Variants in MCF2 observed in about 807,000 individuals in gnomAD.
MCF2 encodes MCF.2 cell line derived transforming sequence.
In MCF2, 44 loss-of-function variants were observed where a neutral mutation model predicts 82.5. The observed-to-expected ratio is 0.53, with a 90% CI of 0.42 to 0.69. The LOEUF (loss-of-function observed/expected upper bound fraction) is 0.69. Ranked by LOEUF, MCF2 falls within the 30% of genes least tolerant of loss-of-function variation. MCF2 has a pLI of 0.00. For synonymous variants in MCF2, 217 were observed against 224.9 expected, an observed-to-expected ratio of 0.96 and a Z score of 0.32; for missense variants, 623 against 663.1, an observed-to-expected ratio of 0.94 and a Z score of 0.66.
intron 11 of MCF2, 33 bp downstream of exon 15, chrX:139,610,268 A>G: frequency 9.8e-7 from 1 of 1,018,600 alleles, no homozygotes; most frequent in South Asian, 2.1e-5. Context: ...CTAAAGCAAT[A>G]AAGTCAATTT....
At chrX:139,700,838 C>T (rs1249646306) in intron 1 of MCF2, among the ~76,000 whole-genome samples, 2 of 111,774 alleles carry the variant, frequency 1.8e-5, no homozygotes, top group South Asian at 7.5e-4. Context: ...TTCAGGGAAC[C>T]CCAGCTTAGG....
At chrX:139,629,052 CATGCATCACTTA>C (rs760750924) in intron 4 of MCF2, among the ~76,000 whole-genome samples, 1 of 112,112 alleles carries the variant, frequency 8.9e-6, no homozygotes, top group East Asian at 2.8e-4. Context: ...AAAATACAGC[CATGCATCACTTA>C]ATGTTGGGGA....
At chrX:139,615,938 C>A (rs906910661) in intron 9 of MCF2, among the ~76,000 whole-genome samples, 1 of 111,669 alleles carries the variant, frequency 9.0e-6, no homozygotes, top group Non-Finnish European at 1.9e-5. Context: ...GGAAAGATGT[C>A]TGGGGTAAAG....
chrX:139,689,711 C>T (rs918814261), intron 1 of MCF2, among the ~76,000 whole-genome samples: 12 of 109,386 alleles, frequency 1.1e-4, no homozygotes, highest in African/African-American at 4.0e-4. Context: ...CAATCCCCAC[C>T]CGCTGTCCAG....
At chrX:139,671,834 T>A in intron 1 of MCF2, among the ~76,000 whole-genome samples, 1 of 112,094 alleles carries the variant, frequency 8.9e-6, no homozygotes. Context: ...AAAGTAGTTT[T>A]TTCCAATTCT....
Position 139,585,066 on chromosome X carries a change from C to T in MCF2, c.2745G>A (p.Met915Ile). Reference sequence around the variant, plus strand: ...TTTAATTTACTATATTATTACTAACCATGAGGGGCCTATTTTCTTCTTCAT... The same window carrying T: ...TTTAATTTACTATATTATTACTAACTATGAGGGGCCTATTTTCTTCTTCAT... The change falls in exon 24 of 25, where the codon ATG becomes ATA. Residue 915 changes from methionine (M) to isoleucine (I), a missense_variant and splice_region_variant. Transcript: ENST00000370576. 1 of 1,158,954 alleles carries T rather than the reference C, an allele frequency of 8.6e-7. No homozygotes were observed. Among genetic ancestry groups the T allele is most frequent in the Non-Finnish European group, 1.2e-6 (1 of 853,077 alleles).
At chrX:139,679,361 TGA>T (rs1934947773) in intron 1 of MCF2, among the ~76,000 whole-genome samples, 1 of 112,268 alleles carries the variant, frequency 8.9e-6, no homozygotes, top group African/African-American at 3.2e-5. Context: ...AAGGAAGGAA[TGA>T]GAGGATGGAA....
At chrX:139,602,430 C>G in exon 16 of MCF2, 1 of 1,202,751 alleles carries the variant, frequency 8.3e-7, no homozygotes, top group East Asian at 3.0e-5. Context: ...ATTCTGAATA[C>G]TTCCTCCAAA....
chrX:139,680,664 C>A (rs781346559), intron 1 of MCF2, among the ~76,000 whole-genome samples: 1 of 111,750 alleles, frequency 8.9e-6, no homozygotes, highest in South Asian at 3.8e-4. Context: ...TGGCATCAGA[C>A]CTTTTGAGAG....
chrX:139,635,089 G>GA (rs757607749), intron 1 of MCF2, among the ~76,000 whole-genome samples: 106 of 111,302 alleles, frequency 9.5e-4, no homozygotes, highest in Non-Finnish European at 1.8e-3. Context: ...AAAAGAAAAA[G>GA]AAAAAACATA....
intron 1 of MCF2, among the ~76,000 whole-genome samples, chrX:139,697,446 G>C (rs1348160974): frequency 8.9e-6 from 1 of 112,028 alleles, no homozygotes; most frequent in Non-Finnish European, 1.9e-5. Flanking sequence ...GCTTAAACTA[G>C]CTTACAGTTG....
chrX:139,609,351 C>G lies in MCF2; in HGVS notation c.1401+950G>C, dbSNP rs183244053. Among the ~76,000 whole-genome samples, 878 of 112,045 alleles carry G rather than the reference C, an allele frequency of 7.8e-3. 8 individuals carry two copies. The highest frequency in any genetic ancestry group is 0.012 in the Non-Finnish European group (657 of 53,159). ...CCTGAGGCCAGGAGTTTAAGATCAG[C>G]CTTGGCAACATAGCAAGACCCTGTC... On this transcript the variant is annotated intron_variant, in intron 11 of 24. Coordinates refer to ENST00000370576, the Ensembl canonical transcript of MCF2.
chrX:139,635,259 T>C (rs1933135235), intron 1 of MCF2, among the ~76,000 whole-genome samples: 1 of 111,095 alleles, frequency 9.0e-6, no homozygotes, highest in African/African-American at 3.3e-5. Flanking sequence ...TTAACATGTA[T>C]ACAGAAACAG....
chrX:139,581,877 C>T (rs996520031), exon 25 of MCF2: 2 of 111,810 alleles, frequency 1.8e-5, no homozygotes, highest in East Asian at 2.8e-4. Context: ...AGCAGAAATC[C>T]AGAAAAAAAG....
intron 2 of MCF2, among the ~76,000 whole-genome samples, chrX:139,651,390 C>T (rs1934006940): frequency 9.0e-6 from 1 of 111,125 alleles, no homozygotes; most frequent in African/African-American, 3.3e-5. Context: ...TGCTCCCCTC[C>T]CACCCAGCCT....
chrX:139,671,165 T>A (rs1242923750), intron 1 of MCF2, among the ~76,000 whole-genome samples: 4 of 112,197 alleles, frequency 3.6e-5, no homozygotes, highest in African/African-American at 1.3e-4. Flanking sequence ...GGGTTCTTTG[T>A]TTTTTCCTTG....
At chrX:139,654,799 C>G (rs911536286) in intron 1 of MCF2, among the ~76,000 whole-genome samples, 1 of 111,645 alleles carries the variant, frequency 9.0e-6, no homozygotes, top group Non-Finnish European at 1.9e-5. Flanking sequence ...GTTCTTTAAT[C>G]CATTTTGATT....
At chrX:139,689,322 C>T (rs772224953) in intron 1 of MCF2, among the ~76,000 whole-genome samples, 2 of 112,140 alleles carry the variant, frequency 1.8e-5, no homozygotes, top group African/African-American at 6.5e-5. Flanking sequence ...CTGCTGTTGA[C>T]CACTGTGTAT....
chrX:139,588,468 G>T, intron 20 of MCF2, 30 bp from the exon 25 acceptor site: 1 of 896,493 alleles, frequency 1.1e-6, no homozygotes, highest in East Asian at 3.1e-5. Context: ...CGGGAGGGAG[G>T]TGGTACACAT....
Sources: allele counts gnomAD v4.1 joint callset (sites outside exome capture counted in the v4.1 genomes callset), GRCh38; gene constraint gnomAD v4.1.1; transcripts MANE v1.5; gene names NCBI Gene and HGNC (gene_info 2026-07-23, HGNC 2026-07-21).